The following SMC5 variants were observed in gnomAD, a reference collection of about 807,000 sequenced individuals.
The protein encoded by SMC5 is structural maintenance of chromosomes protein 5.
SMC5 carries 88 observed loss-of-function variants against 148.3 expected under a neutral mutation model. The ratio of observed to expected loss-of-function variants is 0.59; its 90% CI spans 0.50 to 0.71. SMC5 has a LOEUF of 0.71. SMC5 is among the 30% of genes least tolerant of loss of function. SMC5 has a pLI of 0.00. For synonymous variants in SMC5, 421 were observed against 432.8 expected (o/e 0.97, Z 0.34); for missense variants, 1,142 against 1,298.9 (o/e 0.88, Z 1.86).
At position 70,353,146 on chromosome 9, in the gene SMC5, A is replaced by G. The variant is rs1288044691; in HGVS notation, c.*815A>G. 4 of 152,186 alleles carry G rather than the reference A, an allele frequency of 2.6e-5. No homozygotes were observed. The highest frequency in any genetic ancestry group is 4.1e-4 in the South Asian group (2 of 4,828). 9.4% of individuals were successfully genotyped at this position (152,186 alleles called of 1,614,324 possible). A position where few individuals can be genotyped will look rare whatever the true frequency, so the allele number is the denominator to read the frequency against. On this transcript the variant is annotated 3_prime_UTR_variant, in exon 25 of 25. Coordinates refer to ENST00000361138, the MANE Select transcript of SMC5 (RefSeq NM_015110.4). ...TATATTTTACATCTTACATTTCTAA[A>G]AGCATTTTATAATTATTTTTAGTAA... is the stretch of plus-strand genomic sequence containing the variant.
chr9:70,334,933 G>A (rs1047254394), intron 17 of SMC5, among the ~76,000 whole-genome samples: 16 of 152,242 alleles, frequency 1.1e-4, no homozygotes, highest in African/African-American at 3.1e-4. Flanking sequence ...AGTCAGTAGG[G>A]AAGTTTATAT....
At chr9:70,351,230 T>A (rs993571034) in intron 24 of SMC5, among the ~76,000 whole-genome samples, 1 of 151,992 alleles carries the variant, frequency 6.6e-6, no homozygotes, top group Non-Finnish European at 1.5e-5. Flanking sequence ...AGCATGCGCC[T>A]ATAGTCCCAG....
rs1003322157 is a variant in SMC5, at chr9:70,296,510, A to G, written c.1054-1456A>G. ...CCAGGTTGCAGTGAACCGAGATCGCACCACTGCACTCCAGCCTGGGCAACA... is the reference window on the plus strand; with the variant it reads ...CCAGGTTGCAGTGAACCGAGATCGCGCCACTGCACTCCAGCCTGGGCAACA... On this transcript the variant is annotated intron_variant, in intron 8 of 24. Transcript: ENST00000361138. 2.0e-5 allele frequency among the ~76,000 whole-genome samples: 3 copies of G among 151,276 alleles called. No homozygotes were observed. The East Asian group carries it at 5.8e-4, about 29-fold the overall frequency.
intron 3 of SMC5, among the ~76,000 whole-genome samples, chr9:70,272,500 G>A (rs1391182812): frequency 1.3e-5 from 2 of 152,034 alleles, no homozygotes; most frequent in East Asian, 3.9e-4. Context: ...AGGATTGCTT[G>A]AACTCAGGAA....
intron 3 of SMC5, among the ~76,000 whole-genome samples, chr9:70,270,893 C>T (rs12344645): frequency 0.49 from 74,674 of 151,784 alleles, 21,006 homozygotes; most frequent in Non-Finnish European, 0.62. Context: ...GTGATCCGCC[C>T]GCCTTGGCCT....
intron 17 of SMC5, among the ~76,000 whole-genome samples, chr9:70,338,748 A>T (rs1309399035): frequency 6.6e-6 from 1 of 152,134 alleles, no homozygotes; most frequent in Non-Finnish European, 1.5e-5. Context: ...TGCTGCTTTT[A>T]AGACCAGAAC....
chr9:70,268,317 A>T (rs1261428384), intron 3 of SMC5, among the ~76,000 whole-genome samples: 1 of 151,988 alleles, frequency 6.6e-6, no homozygotes, highest in South Asian at 2.1e-4. Context: ...ATGGTGGCAC[A>T]TGCCTGTAAT....
At chr9:70,308,584 C>T (rs1412070221) in intron 11 of SMC5, among the ~76,000 whole-genome samples, 2 of 94,396 alleles carry the variant, frequency 2.1e-5, no homozygotes, top group Non-Finnish European at 3.8e-5. Flanking sequence ...GACAGAGACT[C>T]TGTCTCAAAA....
chr9:70,280,728 A>G, intron 5 of SMC5, 31 bp from the exon 6 acceptor site: 3 of 1,571,230 alleles, frequency 1.9e-6, no homozygotes, highest in South Asian at 1.2e-5. Flanking sequence ...TTTTTCTGTC[A>G]AACTGATTGT....
chr9:70,334,624 A>AGT (rs2036311974), intron 17 of SMC5, among the ~76,000 whole-genome samples: 1 of 151,926 alleles, frequency 6.6e-6, no homozygotes, highest in Non-Finnish European at 1.5e-5. Flanking sequence ...AGAGAGAGAG[A>AGT]GTGTGTGTAT....
intron 8 of SMC5, among the ~76,000 whole-genome samples, chr9:70,295,483 AAAAAG>A (rs1221157936): frequency 6.6e-6 from 1 of 151,530 alleles, no homozygotes; most frequent in African/African-American, 2.4e-5. Flanking sequence ...AAAAAAAAAA[AAAAAG>A]AAGAAGAGGG....
intron 3 of SMC5, among the ~76,000 whole-genome samples, chr9:70,269,059 C>T (rs1241402514): frequency 2.0e-5 from 3 of 152,064 alleles, no homozygotes; most frequent in Non-Finnish European, 2.9e-5. Flanking sequence ...TAAAGATTAT[C>T]TGATAGCCCT....
chr9:70,330,900 A>G (rs1032323552), intron 17 of SMC5, among the ~76,000 whole-genome samples: 3 of 152,198 alleles, frequency 2.0e-5, no homozygotes, highest in Non-Finnish European at 4.4e-5. Context: ...GGTTAAATGA[A>G]TTACAATAAT....
chr9:70,287,582 A>G (rs2034943016), intron 8 of SMC5, among the ~76,000 whole-genome samples: 2 of 152,138 alleles, frequency 1.3e-5, no homozygotes, highest in South Asian at 4.1e-4. Context: ...TGGTTGAAGC[A>G]TGGTGTTAAT....
chr9:70,307,435 TCTC>T (rs2035534655), intron 11 of SMC5, among the ~76,000 whole-genome samples: 2 of 152,186 alleles, frequency 1.3e-5, no homozygotes, highest in South Asian at 4.1e-4. Context: ...AGCTTTTTCT[TCTC>T]CTCCATTTAT....
intron 17 of SMC5, among the ~76,000 whole-genome samples, chr9:70,337,446 A>AT (rs2036388843): frequency 4.3e-5 from 3 of 70,400 alleles, no homozygotes; most frequent in African/African-American, 8.2e-5. Context: ...GTGTTTTGGG[A>AT]TTTGTTTTTT....
chr9:70,314,399 T>C (rs1019454716), intron 11 of SMC5, among the ~76,000 whole-genome samples: 6 of 152,238 alleles, frequency 3.9e-5, no homozygotes, highest in African/African-American at 1.4e-4. Context: ...TTGGCCAGAG[T>C]TTACAATCAT....
intron 2 of SMC5, among the ~76,000 whole-genome samples, chr9:70,267,655 T>C (rs970536514): frequency 1.3e-5 from 2 of 152,178 alleles, no homozygotes; most frequent in African/African-American, 2.4e-5. Flanking sequence ...TTCTGGCACT[T>C]ACTGGCTTTG....
At chr9:70,304,431 A>G (rs920069454) in intron 10 of SMC5, among the ~76,000 whole-genome samples, 2 of 152,176 alleles carry the variant, frequency 1.3e-5, no homozygotes, top group African/African-American at 4.8e-5. Context: ...TCATGCTTAT[A>G]ATCCTAGCAC....
Sources: allele counts gnomAD v4.1 joint callset (sites outside exome capture counted in the v4.1 genomes callset), GRCh38; gene constraint gnomAD v4.1.1; transcripts MANE v1.5; gene names NCBI Gene and HGNC (gene_info 2026-07-23, HGNC 2026-07-21).